The following AKIRIN2 variants were observed in gnomAD, a reference collection of about 807,000 sequenced individuals.
The protein encoded by AKIRIN2 is akirin-2.
Under a neutral mutation model 29.3 loss-of-function variants are expected in AKIRIN2, and 6 were observed. That is an observed-to-expected ratio of 0.20 (90% confidence interval 0.11 to 0.40). AKIRIN2 has a LOEUF of 0.40. Among genes scored for constraint, AKIRIN2 ranks in the 10% least tolerant of loss-of-function variants. The pLI is 1.00. For synonymous variants in AKIRIN2, 128 were observed against 117.5 expected (o/e 1.09, Z -0.58); for missense variants, 210 against 276.1 (o/e 0.76, Z 1.70).
In AKIRIN2 at chr6:87,702,215, C is replaced by T. The variant is rs1582129228; in HGVS notation, c.-531G>A. ...CCAAGCGAACACGTCCAACCGCTTCCCCTCCCTCGTAGAACTCTCCCACCC... is the reference window on the plus strand; with the variant it reads ...CCAAGCGAACACGTCCAACCGCTTCTCCTCCCTCGTAGAACTCTCCCACCC... On this transcript the variant is annotated 5_prime_UTR_variant, in exon 1 of 5. Coordinates refer to ENST00000257787, the MANE Select transcript of AKIRIN2 (RefSeq NM_018064.4). 2.5e-6 allele frequency: 1 copy of T among 397,510 alleles called. No individual in the cohort carries two copies. Among genetic ancestry groups the T allele is most frequent in the African/African-American group, 2.1e-5 (1 of 48,620 alleles). The allele number at this position is 397,510 out of a possible 1,614,324, so 24.6% of individuals were successfully genotyped here.
chr6:87,691,441 A>AC (rs35152398), intron 1 of AKIRIN2, among the ~76,000 whole-genome samples: 1 of 45,832 alleles, frequency 2.2e-5, no homozygotes, highest in Non-Finnish European at 4.1e-5. Flanking sequence ...ACCTCATCTT[A>AC]AAAAAAAAAA....
rs775487760 is a variant in AKIRIN2, at chr6:87,701,587, G to T, written c.98C>A (p.Pro33His). ...CAACGGGGAGGCAGCGGCCGAGGTG[G>T]GCGCCGACAATGGCGCACATCGCCT... ...KRRRCAPLSA[P>H]TSAAASPLSA... The change falls in exon 1 of 5, where the codon CCC becomes CAC. Residue 33 changes from proline (P) to histidine (H), a missense_variant. By Grantham distance (77) the Pro-to-His change is moderately conservative. Around this residue, in one of 2 missense-constraint regions of AKIRIN2, gnomAD observed 199 missense variants for 236.5 expected, o/e 0.84. Coordinates refer to ENST00000257787, the MANE Select transcript of AKIRIN2 (RefSeq NM_018064.4). 1.4e-6 allele frequency: 2 copies of T among 1,427,524 alleles called. No individual in the cohort carries two copies. Among genetic ancestry groups the T allele is most frequent in the Non-Finnish European group, 1.8e-6 (2 of 1,093,090 alleles). The allele number at this position is 1,427,524 out of a possible 1,614,324, so 88.4% of individuals were successfully genotyped here.
Position 87,690,741 on chromosome 6 carries a change from G to A in AKIRIN2, c.236-8978C>T, listed in dbSNP as rs560862932. ...TAATCCCAGCACTTTGGGAGGCCAA[G>A]GTGGGCAGATGGCTTGAGGTCAGGA... On this transcript the variant is annotated intron_variant, in intron 1 of 4. Coordinates refer to ENST00000257787, the MANE Select transcript of AKIRIN2 (RefSeq NM_018064.4). Among the ~76,000 whole-genome samples, 5 of 152,316 alleles carry A rather than the reference G, an allele frequency of 3.3e-5. No homozygotes were observed. The South Asian group carries it at 1.0e-3, about 32-fold the overall frequency.
chr6:87,678,443 A>G (rs1243877067), intron 2 of AKIRIN2, among the ~76,000 whole-genome samples: 3 of 152,120 alleles, frequency 2.0e-5, no homozygotes, highest in Non-Finnish European at 2.9e-5. Context: ...CGGAGGTTTC[A>G]GTGAGCCGAG....
rs1428513213 is a variant in AKIRIN2 at position 87,702,033 on chromosome 6, G to A, written c.-349C>T. The A allele has an allele frequency of 2.5e-6, 1 of 403,988 alleles. No homozygotes were observed. Among genetic ancestry groups the A allele is most frequent in the Non-Finnish European group, 4.4e-6 (1 of 229,174 alleles). The allele number at this position is 403,988 out of a possible 1,614,324, so 25.0% of individuals were successfully genotyped here. On this transcript the variant is annotated 5_prime_UTR_variant, in exon 1 of 5. Coordinates refer to ENST00000257787, the MANE Select transcript of AKIRIN2 (RefSeq NM_018064.4). ...CGCTCGAGCTTTGCGCCGCGCCTGA[G>A]GCGCTTCTGTGCTGAGACTAGATCC...
intron 1 of AKIRIN2, among the ~76,000 whole-genome samples, chr6:87,693,872 C>T (rs1195410478): frequency 6.6e-6 from 1 of 152,154 alleles, no homozygotes; most frequent in Non-Finnish European, 1.5e-5. Flanking sequence ...TCAAGTCCCC[C>T]TCTCTATCAT....
chr6:87,681,748 T>C lies in AKIRIN2; in HGVS notation c.251A>G (p.Asn84Ser), dbSNP rs750847976. ...SRLTTEQILY[N>S]IKQEYKRMQK... Reference sequence around the variant, plus strand: ...CATTCGTTTATACTCTTGTTTTATGTTGTACAGAATTTGTTCTAAAATAAA... The same window carrying C: ...CATTCGTTTATACTCTTGTTTTATGCTGTACAGAATTTGTTCTAAAATAAA... The change falls in exon 2 of 5, where the codon AAC becomes AGC. Residue 84 changes from asparagine (N) to serine (S), a missense_variant. This residue lies in a region of AKIRIN2 where 199 missense variants were observed against 236.5 expected (regional missense o/e 0.84). Coordinates refer to ENST00000257787, the MANE Select transcript of AKIRIN2 (RefSeq NM_018064.4). 6 of 1,584,560 alleles carry C rather than the reference T, an allele frequency of 3.8e-6. No individual in the cohort carries two copies. Among genetic ancestry groups the C allele is most frequent in the Non-Finnish European group, 5.1e-6 (6 of 1,170,556 alleles).
chr6:87,677,647 A>G (rs1771043655), intron 3 of AKIRIN2, among the ~76,000 whole-genome samples, 171 bp downstream of exon 3: 1 of 152,208 alleles, frequency 6.6e-6, no homozygotes. Flanking sequence ...TCCTCAGGTT[A>G]CCAAGGCGGG....
chr6:87,677,641 C>G (rs2787893), intron 3 of AKIRIN2, among the ~76,000 whole-genome samples, 177 bp downstream of exon 3: 95,682 of 152,052 alleles, frequency 0.63, 31,464 homozygotes, highest in African/African-American at 0.83. Context: ...CTCTTTTCCT[C>G]AGGTTACCAA....
At chr6:87,683,213 ACC>A (rs1377762024) in intron 1 of AKIRIN2, among the ~76,000 whole-genome samples, 2 of 152,198 alleles carry the variant, frequency 1.3e-5, no homozygotes, top group African/African-American at 4.8e-5. Context: ...GTATAAAAAG[ACC>A]TGTTTATACA....
chr6:87,678,074 C>A, intron 2 of AKIRIN2, 107 bp from the exon 3 acceptor site: 1 of 1,041,476 alleles, frequency 9.6e-7, no homozygotes, highest in Non-Finnish European at 1.3e-6. Flanking sequence ...GATATAAAAG[C>A]ATTTTAAAAT....
intron 1 of AKIRIN2, among the ~76,000 whole-genome samples, chr6:87,688,766 A>T (rs989833519): frequency 6.6e-6 from 1 of 152,080 alleles, no homozygotes; most frequent in Middle Eastern, 3.2e-3. Flanking sequence ...TAAAAAAAAC[A>T]CACAATAAAT....
Position 87,701,595 on chromosome 6 carries a change from C to A in AKIRIN2, c.90G>T (p.Leu30Phe). 3 of 1,435,062 alleles carry A rather than the reference C, an allele frequency of 2.1e-6. No homozygotes were observed. The highest frequency in any genetic ancestry group is 2.7e-6 in the Non-Finnish European group (3 of 1,096,874). The allele number at this position is 1,435,062 out of a possible 1,614,324, so 88.9% of individuals were successfully genotyped here. ...AGGCAGCGGCCGAGGTGGGCGCCGA[C>A]AATGGCGCACATCGCCTGCGCTTCG... ...ASPKRRRCAPLSAPTSAAASP... is the reference protein window; with the variant it reads ...ASPKRRRCAPFSAPTSAAASP... The change falls in exon 1 of 5, where the codon TTG (leucine) becomes TTT (phenylalanine). Residue 30 changes from leucine to phenylalanine, a missense_variant. Around this residue, in one of 2 missense-constraint regions of AKIRIN2, gnomAD observed 199 missense variants for 236.5 expected, o/e 0.84. Coordinates refer to ENST00000257787, the MANE Select transcript of AKIRIN2 (RefSeq NM_018064.4).
chr6:87,684,976 T>A (rs923398790), intron 1 of AKIRIN2, among the ~76,000 whole-genome samples: 1 of 152,228 alleles, frequency 6.6e-6, no homozygotes, highest in African/African-American at 2.4e-5. Context: ...TTTTGTCATT[T>A]TGCATTCCTA....
At chr6:87,683,946 C>T (rs1771152490) in intron 1 of AKIRIN2, among the ~76,000 whole-genome samples, 1 of 152,146 alleles carries the variant, frequency 6.6e-6, no homozygotes. Flanking sequence ...GCCACCGTGC[C>T]CAGCCATTCT....
chr6:87,688,367 G>A (rs1771224645), intron 1 of AKIRIN2, among the ~76,000 whole-genome samples: 1 of 151,984 alleles, frequency 6.6e-6, no homozygotes, highest in South Asian at 2.1e-4. Flanking sequence ...CCTGACCTCA[G>A]GTGATCCTCC....
chr6:87,682,881 A>T (rs2128301409), intron 1 of AKIRIN2, among the ~76,000 whole-genome samples: 1 of 152,290 alleles, frequency 6.6e-6, no homozygotes, highest in South Asian at 2.1e-4. Flanking sequence ...ACTAGAGGCC[A>T]AGAGTTCGAG....
intron 4 of AKIRIN2, 116 bp from the exon 5 acceptor site, chr6:87,675,723 G>A: frequency 6.8e-7 from 1 of 1,471,272 alleles, no homozygotes; most frequent in Non-Finnish European, 9.4e-7. Flanking sequence ...GACTTGCAAA[G>A]TTATGCTGCC....
intron 3 of AKIRIN2, among the ~76,000 whole-genome samples, chr6:87,677,379 T>C (rs906955872): frequency 3.3e-5 from 5 of 152,220 alleles, no homozygotes; most frequent in African/African-American, 1.2e-4. Flanking sequence ...TTACCATACA[T>C]AATAAATTTT....
Sources: allele counts gnomAD v4.1 joint callset (sites outside exome capture counted in the v4.1 genomes callset), GRCh38; gene constraint gnomAD v4.1.1; regional missense constraint gnomAD v4.1.1; transcripts MANE v1.5; gene names NCBI Gene and HGNC (gene_info 2026-07-23, HGNC 2026-07-21).